Variants in LSP1 observed in about 807,000 individuals in gnomAD.
LSP1 encodes lymphocyte-specific protein 1.
In LSP1, 32 loss-of-function variants were observed where a neutral mutation model predicts 49.3. The ratio of observed to expected loss-of-function variants is 0.65; its 90% CI spans 0.49 to 0.87. The LOEUF (loss-of-function observed/expected upper bound fraction) is 0.87. Ranked by LOEUF, LSP1 falls within the 40% of genes least tolerant of loss-of-function variation. LSP1 has a pLI of 0.00. For missense variants in LSP1, 428 were observed against 442.6 expected, an observed-to-expected ratio of 0.97 and a Z score of 0.30; for synonymous variants, 179 against 178.8, an observed-to-expected ratio of 1.00 and a Z score of -0.01.
At chr11:1,881,996 T>C (rs1589827746) in intron 3 of LSP1, among the ~76,000 whole-genome samples, 1 of 152,152 alleles carries the variant, frequency 6.6e-6, no homozygotes, top group African/African-American at 2.4e-5. Flanking sequence ...TAATGGAGGC[T>C]GAGAGCCCGC....
chr11:1,856,757 C>T (rs895894170), intron 1 of LSP1, among the ~76,000 whole-genome samples: 12 of 152,220 alleles, frequency 7.9e-5, no homozygotes, highest in Non-Finnish European at 1.3e-4. Flanking sequence ...GGCAGCCAGG[C>T]CCTTGGGCAG....
chr11:1,883,382 G>A (rs766274574), intron 3 of LSP1, 37 bp from the exon 4 acceptor site: 78 of 1,608,560 alleles, frequency 4.8e-5, no homozygotes, highest in Admixed American at 1.2e-4. Flanking sequence ...GCAATCCAAT[G>A]GCCCTAGAAC....
intron 3 of LSP1, among the ~76,000 whole-genome samples, chr11:1,882,930 G>A (rs1848605337): frequency 1.3e-5 from 2 of 152,196 alleles, no homozygotes; most frequent in African/African-American, 4.8e-5. Context: ...CCTTGGCCCT[G>A]CTCCTCAGTG....
intron 1 of LSP1, among the ~76,000 whole-genome samples, chr11:1,873,314 G>A (rs893028616): frequency 6.6e-6 from 1 of 152,150 alleles, no homozygotes; most frequent in African/African-American, 2.4e-5. Context: ...GAGGCTCAGA[G>A]CAGGCACAGG....
intron 2 of LSP1, chr11:1,880,540 C>G (rs1248318851): frequency 1.1e-5 from 3 of 278,020 alleles, no homozygotes; most frequent in Non-Finnish European, 2.0e-5. Flanking sequence ...CAGACTCCCC[C>G]GCCAGTGACT....
intron 7 of LSP1, 139 bp from the exon 8 acceptor site, chr11:1,886,593 T>A: frequency 1.1e-6 from 1 of 942,250 alleles, no homozygotes. Context: ...TTTCCAGTGA[T>A]CCCCACTCTG....
intron 1 of LSP1, among the ~76,000 whole-genome samples, chr11:1,874,237 G>C (rs1331215589): frequency 6.9e-5 from 6 of 87,400 alleles, no homozygotes; most frequent in Non-Finnish European, 1.4e-4. Context: ...AGTGAGGGCA[G>C]GCCGGGGACA....
At chr11:1,871,101 G>A in intron 1 of LSP1, 3 of 985,574 alleles carry the variant, frequency 3.0e-6, no homozygotes, top group Non-Finnish European at 3.6e-6. Flanking sequence ...GAGGGCCCCA[G>A]AAAGGTCCCG....
At chr11:1,874,938 G>C (rs1456188500) in intron 1 of LSP1, among the ~76,000 whole-genome samples, 2 of 152,186 alleles carry the variant, frequency 1.3e-5, no homozygotes, top group Admixed American at 1.3e-4. Flanking sequence ...ACCTCACCAA[G>C]CCTCTTCCCA....
intron 1 of LSP1, chr11:1,870,834 T>G (rs1273224242): frequency 2.0e-6 from 2 of 987,406 alleles, no homozygotes; most frequent in African/African-American, 3.5e-5. Flanking sequence ...ACTGGTTGCG[T>G]GTCCCAGAAC....
Position 1,883,413 on chromosome 11 carries a change from C to G in LSP1, c.357-6C>G. ...AGAACGGCTTTGCCTCCCTTTCCAC[C>G]CACAGGCCCGGCCTGCATGCCTACG... On this transcript the variant is annotated splice_polypyrimidine_tract_variant and splice_region_variant and intron_variant, in intron 3 of 10. Transcript: ENST00000311604. 3 of 1,613,832 alleles carry G rather than the reference C, an allele frequency of 1.9e-6. No homozygotes were observed. Among genetic ancestry groups the G allele is most frequent in the Non-Finnish European group, 2.5e-6 (3 of 1,179,866 alleles).
At chr11:1,872,986 TAGGGGGAAGC>T in intron 1 of LSP1, among the ~76,000 whole-genome samples, 1 of 151,564 alleles carries the variant, frequency 6.6e-6, no homozygotes, top group East Asian at 1.9e-4. Context: ...GGTGGGGGTA[TAGGGGGAAGC>T]AGGTTCGGAT....
intron 1 of LSP1, chr11:1,866,812 G>T: frequency 1.3e-6 from 2 of 1,550,160 alleles, no homozygotes; most frequent in Admixed American, 3.9e-5. Flanking sequence ...CGGAGGAGGG[G>T]CAGAGCCCCT....
At chr11:1,883,223 G>T (rs1228563538) in intron 3 of LSP1, among the ~76,000 whole-genome samples, 196 bp from the exon 4 acceptor site, 1 of 152,258 alleles carries the variant, frequency 6.6e-6, no homozygotes, top group Non-Finnish European at 1.5e-5. Flanking sequence ...CTGACACAGG[G>T]GCCCAAGCAG....
At chr11:1,859,904 A>G (rs1847583109) in intron 1 of LSP1, among the ~76,000 whole-genome samples, 1 of 152,156 alleles carries the variant, frequency 6.6e-6, no homozygotes, top group African/African-American at 2.4e-5. Context: ...CAATGAGGCC[A>G]CCACCCTGAC....
Position 1,880,304 on chromosome 11 carries a change from G to A in LSP1, c.191+80G>A, listed in dbSNP as rs547274032. 91 of 1,429,264 alleles carry A rather than the reference G, an allele frequency of 6.4e-5. No individual in the cohort carries two copies. In the African/African-American group the frequency reaches 9.4e-4, roughly 15 times the overall value. 88.5% of individuals were successfully genotyped at this position (1,429,264 alleles called of 1,614,324 possible). ...GGCCTGGGCAGAGGGGGAGGTCAAG[G>A]GCCTGGGCTTGGGGGTTCCAGTGCA... On this transcript the variant is annotated intron_variant, in intron 2 of 10. Transcript: ENST00000311604.
At chr11:1,880,025 A>G (rs1049445128) in intron 1 of LSP1, 62 bp from the exon 2 acceptor site, 3 of 1,580,664 alleles carry the variant, frequency 1.9e-6, no homozygotes, top group African/African-American at 2.8e-5. Flanking sequence ...GATGGGAGGA[A>G]TGGGTGCAAA....
chr11:1,871,288 C>G, intron 1 of LSP1: 1 of 986,238 alleles, frequency 1.0e-6, no homozygotes, highest in East Asian at 1.1e-4. Flanking sequence ...CACCCACGAG[C>G]AGGGCGGGGC....
chr11:1,868,499 C>A (rs778763727), intron 1 of LSP1, among the ~76,000 whole-genome samples: 8 of 152,214 alleles, frequency 5.3e-5, no homozygotes, highest in Non-Finnish European at 1.2e-4. Context: ...GGTCCAGGGA[C>A]CTCTGGGGCT....
Sources: allele counts gnomAD v4.1 joint callset (sites outside exome capture counted in the v4.1 genomes callset), GRCh38; gene constraint gnomAD v4.1.1; transcripts MANE v1.5; gene names NCBI Gene and HGNC (gene_info 2026-07-23, HGNC 2026-07-21).